INSIG2: variants seen among roughly 807,000 people sequenced by gnomAD.
INSIG2 encodes the protein insulin induced gene 2.
In INSIG2, 10 loss-of-function variants were observed where a neutral mutation model predicts 27.2. The ratio of observed to expected loss-of-function variants is 0.37; its 90% CI spans 0.23 to 0.62. The LOEUF is 0.62. INSIG2 is among the 20% of genes least tolerant of loss of function. INSIG2 has a pLI of 0.65. For missense variants in INSIG2, 178 were observed against 270.2 expected (o/e 0.66, Z 2.39); for synonymous variants, 97 against 95.8 (o/e 1.01, Z -0.07).
In INSIG2 at chr2:118,094,367, A is replaced by AGATGATGAT. The variant is rs34116355; in HGVS notation, c.-138-2038_-138-2030dup. Among the ~76,000 whole-genome samples, 75 of 118,096 alleles carry AGATGATGAT rather than the reference A, an allele frequency of 6.4e-4. 12 individuals carry two copies. The highest frequency in any genetic ancestry group is 3.9e-3 in the East Asian group (15 of 3,880). The allele number at this position is 118,096 out of a possible 152,430, so 77.5% of individuals were successfully genotyped here. A position where few individuals can be genotyped will look rare whatever the true frequency, so the allele number is the denominator to read the frequency against. On this transcript the variant is annotated intron_variant, in intron 1 of 5. Transcript: ENST00000245787. ...CTACTGAACCTTGCCAAAAGCAACCAGATGATGATGATGATGATGATGGAG... is the reference window on the plus strand; with the variant it reads ...CTACTGAACCTTGCCAAAAGCAACCAGATGATGATGATGATGATGATGATGATGATGGAG...
chr2:118,104,565 T>C (rs1678627932), intron 3 of INSIG2, among the ~76,000 whole-genome samples: 1 of 152,226 alleles, frequency 6.6e-6, no homozygotes, highest in African/African-American at 2.4e-5. Flanking sequence ...TCATATACTA[T>C]TATATCTAGA....
intron 2 of INSIG2, among the ~76,000 whole-genome samples, 179 bp from the exon 3 acceptor site, chr2:118,103,018 C>A (rs542165045): frequency 6.7e-6 from 1 of 150,110 alleles, no homozygotes; most frequent in South Asian, 2.1e-4. Flanking sequence ...ATCCTCATTT[C>A]ATTTCCTTTG....
At chr2:118,094,319 G>A (rs1371057287) in intron 1 of INSIG2, among the ~76,000 whole-genome samples, 2 of 147,530 alleles carry the variant, frequency 1.4e-5, no homozygotes, top group African/African-American at 5.2e-5. Flanking sequence ...AGATGATGAT[G>A]ATGATGAAGG....
chr2:118,097,122 C>T (rs887304996), intron 2 of INSIG2, among the ~76,000 whole-genome samples: 11 of 152,246 alleles, frequency 7.2e-5, no homozygotes, highest in Non-Finnish European at 1.0e-4. Context: ...TATCTCTGTT[C>T]TAGAATGCAA....
intron 1 of INSIG2, among the ~76,000 whole-genome samples, chr2:118,091,870 T>C (rs1678240348): frequency 6.6e-6 from 1 of 152,130 alleles, no homozygotes; most frequent in African/African-American, 2.4e-5. Context: ...TCTGTAGCAA[T>C]CAGTGGCTCT....
At chr2:118,097,557 C>G (rs1375477943) in intron 2 of INSIG2, among the ~76,000 whole-genome samples, 1 of 152,018 alleles carries the variant, frequency 6.6e-6, no homozygotes, top group Non-Finnish European at 1.5e-5. Flanking sequence ...TGGTGGTGGG[C>G]AGTGTGTAAT....
At chr2:118,105,951 G>A (rs991041422) in intron 3 of INSIG2, among the ~76,000 whole-genome samples, 2 of 152,164 alleles carry the variant, frequency 1.3e-5, no homozygotes, top group Non-Finnish European at 2.9e-5. Context: ...AACTGAATTT[G>A]TAAAGCTTAA....
At chr2:118,097,813 CCTT>C (rs1394702320) in intron 2 of INSIG2, among the ~76,000 whole-genome samples, 1 of 152,124 alleles carries the variant, frequency 6.6e-6, no homozygotes, top group Non-Finnish European at 1.5e-5. Context: ...TAATATATGT[CCTT>C]CTTGGCTTCC....
intron 1 of INSIG2, among the ~76,000 whole-genome samples, chr2:118,093,869 G>T (rs1029282735): frequency 6.7e-4 from 62 of 92,654 alleles, no homozygotes; most frequent in South Asian, 1.5e-3. Context: ...ATGATGAGGA[G>T]GAGGAGGAGG....
At chr2:118,098,991 A>G (rs1678478872) in intron 2 of INSIG2, among the ~76,000 whole-genome samples, 2 of 152,242 alleles carry the variant, frequency 1.3e-5, no homozygotes, top group South Asian at 4.1e-4. Flanking sequence ...TGTTTAGTAG[A>G]TGAGAGTGAA....
chr2:118,091,768 AAAC>A (rs1678237910), intron 1 of INSIG2, among the ~76,000 whole-genome samples: 1 of 152,244 alleles, frequency 6.6e-6, no homozygotes, highest in South Asian at 2.1e-4. Context: ...GTAGAAAACT[AAAC>A]AAGCACTGCC....
intron 1 of INSIG2, among the ~76,000 whole-genome samples, chr2:118,092,883 T>G (rs61226625): frequency 0.28 from 38,216 of 138,050 alleles, 5,648 homozygotes; most frequent in Middle Eastern, 0.31. Flanking sequence ...ATGATGATGA[T>G]GAGGACGAGG....
intron 1 of INSIG2, among the ~76,000 whole-genome samples, chr2:118,096,193 T>C (rs182722592): frequency 9.3e-4 from 142 of 152,320 alleles, no homozygotes; most frequent in African/African-American, 3.2e-3. Context: ...TTTTCTGTCC[T>C]AGGAAATGTA....
At chr2:118,102,070 G>C (rs1678558932) in intron 2 of INSIG2, among the ~76,000 whole-genome samples, 1 of 152,164 alleles carries the variant, frequency 6.6e-6, no homozygotes. Flanking sequence ...GGTAGGGGGA[G>C]GGCCTCTTGT....
In INSIG2 at chr2:118,093,660, TGATGAG is replaced by T. The variant is rs1406710384; in HGVS notation, c.-138-2756_-138-2751del. ...CTTGCTAAAAGCAACCAGATGATGA[TGATGAG>T]GAGGAGGAGGAGGAGGAGGAGGAGA... On this transcript the variant is annotated intron_variant, in intron 1 of 5. Transcript: ENST00000245787. Among the ~76,000 whole-genome samples, 34 of 50,704 alleles carry T rather than the reference TGATGAG, an allele frequency of 6.7e-4. 1 individual carries two copies. Among genetic ancestry groups the T allele is most frequent in the African/African-American group, 1.0e-3 (15 of 14,784 alleles). 33.3% of individuals were successfully genotyped at this position (50,704 alleles called of 152,430 possible).
chr2:118,092,893 G>C (rs61691937), intron 1 of INSIG2, among the ~76,000 whole-genome samples: 4 of 145,774 alleles, frequency 2.7e-5, no homozygotes, highest in African/African-American at 1.0e-4. Context: ...TGAGGACGAG[G>C]AGAGTTCTGT....
intron 2 of INSIG2, among the ~76,000 whole-genome samples, chr2:118,101,391 C>G (rs1336413282): frequency 6.6e-6 from 1 of 152,200 alleles, no homozygotes; most frequent in Non-Finnish European, 1.5e-5. Context: ...CTCTCACTTG[C>G]AAGTCTGACA....
chr2:118,093,923 AGATGATGAT>A (rs1178018722), intron 1 of INSIG2, among the ~76,000 whole-genome samples: 1 of 13,132 alleles, frequency 7.6e-5, no homozygotes, highest in Non-Finnish European at 1.5e-4. Context: ...AAAAGCAACC[AGATGATGAT>A]GATGATGATG....
chr2:118,104,572 T>A (rs908791823), intron 3 of INSIG2, among the ~76,000 whole-genome samples: 1 of 152,236 alleles, frequency 6.6e-6, no homozygotes, highest in African/African-American at 2.4e-5. Flanking sequence ...CTATTATATC[T>A]AGAAGAGAAC....
Sources: gnomAD v4.1 joint callset for allele counts (sites outside exome capture counted in the v4.1 genomes callset) on GRCh38, gnomAD v4.1.1 for gene constraint, MANE v1.5 for transcripts, NCBI Gene and HGNC (gene_info 2026-07-23, HGNC 2026-07-21) for gene names.